NFIL3: variants seen among roughly 807,000 people sequenced by gnomAD.
NFIL3 encodes nuclear factor, interleukin 3 regulated, also known as nuclear factor interleukin-3-regulated protein.
A neutral mutation model predicts 10.0 loss-of-function variants in NFIL3; 5 were observed. The ratio of observed to expected loss-of-function variants is 0.50; its 90% CI spans 0.26 to 1.06. The LOEUF (loss-of-function observed/expected upper bound fraction) is 1.06. Ranked by LOEUF, NFIL3 falls within the 50% of genes least tolerant of loss-of-function variation. NFIL3 has a pLI of 0.13. For missense variants in NFIL3, 436 were observed against 547.6 expected, an observed-to-expected ratio of 0.80 and a Z score of 2.03; for synonymous variants, 202 against 206.5, an observed-to-expected ratio of 0.98 and a Z score of 0.19.
At chr9:91,418,939 G>A (rs761694887) in intron 1 of NFIL3, among the ~76,000 whole-genome samples, 10 of 151,292 alleles carry the variant, frequency 6.6e-5, no homozygotes, top group Admixed American at 1.3e-4. Context: ...AATTCATTTT[G>A]AAACTGAAAA....
the NFIL3 span, among the ~76,000 whole-genome samples, chr9:91,440,931 T>C: frequency 6.6e-6 from 1 of 152,154 alleles, no homozygotes; most frequent in Non-Finnish European, 1.5e-5. Context: ...ACATACAGTG[T>C]ATCCTGGAGA....
the NFIL3 span, among the ~76,000 whole-genome samples, chr9:91,482,752 C>T: frequency 6.6e-6 from 1 of 152,134 alleles, no homozygotes; most frequent in Non-Finnish European, 1.5e-5. Flanking sequence ...ATCTGCCCAT[C>T]TCAGCCTCCA....
chr9:91,449,498 G>A, the NFIL3 span, among the ~76,000 whole-genome samples: 9 of 151,964 alleles, frequency 5.9e-5, no homozygotes, highest in African/African-American at 2.2e-4. Context: ...TTAATGTGAT[G>A]TATTACATTT....
At chr9:91,424,524 G>T (rs970873927), upstream of NFIL3, among the ~76,000 whole-genome samples, 6 of 152,206 alleles carry the variant, frequency 3.9e-5, no homozygotes, top group Non-Finnish European at 8.8e-5. Context: ...GGGCTGCGCG[G>T]CGGAGGCAGC....
At chr9:91,430,144 ATGCGTATGTGTG>A in the NFIL3 span, among the ~76,000 whole-genome samples, 1 of 152,200 alleles carries the variant, frequency 6.6e-6, no homozygotes, top group South Asian at 2.1e-4. Context: ...GTGCCTGTGC[ATGCGTATGTGTG>A]TGCGTGTCCA....
chr9:91,409,229 G>A lies in NFIL3; in HGVS notation c.*117C>T, dbSNP rs1377879903. The stretch of plus-strand genomic sequence containing the variant: ...CAAAAAGACACCAAACAGACAACAT[G>A]TGCACATCACAGTGAAATGACATCA... On this transcript the variant is annotated 3_prime_UTR_variant, in exon 2 of 2. Coordinates refer to ENST00000297689, the MANE Select transcript of NFIL3 (RefSeq NM_005384.3). 3.2e-6 allele frequency: 3 copies of A among 935,050 alleles called. No individual in the cohort carries two copies. Among genetic ancestry groups the A allele is most frequent in the African/African-American group, 1.7e-5 (1 of 60,502 alleles). 57.9% of individuals were successfully genotyped at this position (935,050 alleles called of 1,614,324 possible).
the NFIL3 span, among the ~76,000 whole-genome samples, chr9:91,460,268 G>GTTTTTTTTTTTTTTTT: frequency 1.7e-4 from 13 of 77,078 alleles, no homozygotes; most frequent in African/African-American, 8.1e-4. Context: ...GGAGGGCTTG[G>GTTTTTTTTTTTTTTTT]TTCTTTTTTT....
the NFIL3 span, among the ~76,000 whole-genome samples, chr9:91,461,300 A>AT: frequency 6.6e-6 from 1 of 152,186 alleles, no homozygotes; most frequent in African/African-American, 2.4e-5. Flanking sequence ...ACTTCTTAAA[A>AT]TTTTTTTAAC....
Position 91,409,579 on chromosome 9 carries a change from T to C in NFIL3, c.1156A>G (p.Thr386Ala). 6.2e-7 allele frequency: 1 copy of C among 1,614,200 alleles called. No individual in the cohort carries two copies. The highest frequency in any genetic ancestry group is 8.5e-7 in the Non-Finnish European group (1 of 1,180,020). ...SSLTPFSVQVTNIQDWSLKSE... is the reference protein window; with the variant it reads ...SSLTPFSVQVANIQDWSLKSE... ...TTGAGAGACCAATCTTGAATGTTAG[T>C]CACTTGCACTGAGAAAGGAGTAAGA... Residue 386 changes from threonine (T) to alanine (A), a missense_variant, in exon 2 of 2, where the codon ACT becomes GCT. By Grantham distance (58) the Thr-to-Ala change is moderately conservative. This residue lies in a region of NFIL3 where 338 missense variants were observed against 399.9 expected (regional missense o/e 0.85). Coordinates refer to ENST00000297689, the MANE Select transcript of NFIL3 (RefSeq NM_005384.3).
chr9:91,424,511 G>A (rs139453618), upstream of NFIL3, among the ~76,000 whole-genome samples: 1,056 of 152,310 alleles, frequency 6.9e-3, 5 homozygotes, highest in Admixed American at 0.011. Context: ...GGGCAGCTGC[G>A]CAGGGCTGCG....
At chr9:91,461,668 T>C in the NFIL3 span, among the ~76,000 whole-genome samples, 1 of 152,172 alleles carries the variant, frequency 6.6e-6, no homozygotes, top group African/African-American at 2.4e-5. Flanking sequence ...AGCTTCACAT[T>C]GTCTTCTCCT....
upstream of NFIL3, among the ~76,000 whole-genome samples, chr9:91,425,890 T>G (rs962706502): frequency 6.6e-6 from 1 of 152,220 alleles, no homozygotes; most frequent in Non-Finnish European, 1.5e-5. Context: ...TTAGTTGCCT[T>G]TTTGGGGTCA....
intron 1 of NFIL3, among the ~76,000 whole-genome samples, chr9:91,422,512 G>C (rs1044498939): frequency 6.6e-6 from 1 of 151,964 alleles, no homozygotes; most frequent in African/African-American, 2.4e-5. Context: ...GGCTGAGACT[G>C]TCCTACTTTC....
At chr9:91,474,647 T>C in the NFIL3 span, among the ~76,000 whole-genome samples, 1 of 152,200 alleles carries the variant, frequency 6.6e-6, no homozygotes, top group Non-Finnish European at 1.5e-5. Context: ...TGGAAATGGT[T>C]TTTTATTCTA....
chr9:91,427,585 A>G (rs1815497484), upstream of NFIL3, among the ~76,000 whole-genome samples: 1 of 151,936 alleles, frequency 6.6e-6, no homozygotes. Context: ...CCAGGAACAG[A>G]AGTTCAGTTT....
In NFIL3 at chr9:91,410,422, G is replaced by C. The variant is rs1233887899; in HGVS notation, c.313C>G (p.Leu105Val). The change falls in exon 2 of 2, where the codon CTA becomes GTA. Residue 105 changes from leucine to valine, a missense_variant. Around this residue, in one of 3 missense-constraint regions of NFIL3, gnomAD observed 22 missense variants for 74.7 expected, o/e 0.29. Coordinates refer to ENST00000297689, the MANE Select transcript of NFIL3 (RefSeq NM_005384.3). This position sits in a 1 kb window ranked among gnomAD's most constrained non-coding sequence, Gnocchi z 5.7. ...RLNDLVLENK[L>V]IALGEENATL... The stretch of plus-strand genomic sequence containing the variant: ...GCGTTTTCTTCTCCCAGTGCAATTA[G>C]TTTGTTCTCTAAAACCAGGTCATTC... 1.2e-6 allele frequency: 2 copies of C among 1,613,776 alleles called. No individual in the cohort carries two copies. Among genetic ancestry groups the C allele is most frequent in the Admixed American group, 3.3e-5 (2 of 59,944 alleles).
the NFIL3 span, among the ~76,000 whole-genome samples, chr9:91,481,856 A>G: frequency 6.6e-6 from 1 of 152,206 alleles, no homozygotes; most frequent in Non-Finnish European, 1.5e-5. Flanking sequence ...ATAAAATATT[A>G]ATAGATAGTT....
intron 1 of NFIL3, among the ~76,000 whole-genome samples, chr9:91,423,131 A>C (rs1833800438): frequency 6.6e-6 from 1 of 152,124 alleles, no homozygotes; most frequent in Non-Finnish European, 1.5e-5. Flanking sequence ...CATTCTCCGA[A>C]TGCCGTCACC....
chr9:91,409,679 G>A lies in NFIL3; in HGVS notation c.1056C>T (p.Ser352=), dbSNP rs375881650. The A allele has an allele frequency of 1.2e-6, 2 of 1,614,190 alleles. No individual in the cohort carries two copies. The highest frequency in any genetic ancestry group is 4.5e-5 in the East Asian group (2 of 44,884). The change falls in exon 2 of 2, where the codon TCC becomes TCT. Residue 352 remains serine, a synonymous_variant. Transcript: ENST00000297689. ...TTTTAGATGTCATGTCAATAGGTGAGGAAAGTTTTTGCGTGGCCTCAAATT... is the reference window on the plus strand; with the variant it reads ...TTTTAGATGTCATGTCAATAGGTGAAGAAAGTTTTTGCGTGGCCTCAAATT... ...DNEFEATQKL[S]SPIDMTSKRH... is the part of the protein sequence containing the mutation.
Sources: allele counts gnomAD v4.1 joint callset (sites outside exome capture counted in the v4.1 genomes callset), GRCh38; gene constraint gnomAD v4.1.1; regional missense constraint gnomAD v4.1.1; non-coding constraint Gnocchi (gnomAD v3.1); transcripts MANE v1.5; gene names NCBI Gene and HGNC (gene_info 2026-07-23, HGNC 2026-07-21).